SLC30A3: variants seen among roughly 807,000 people sequenced by gnomAD.
SLC30A3 encodes the protein probable proton-coupled zinc antiporter SLC30A3.
A neutral mutation model predicts 35.6 loss-of-function variants in SLC30A3; 20 were observed. That is an observed-to-expected ratio of 0.56 (90% CI 0.39 to 0.82). The LOEUF (loss-of-function observed/expected upper bound fraction) is 0.82. Ranked by LOEUF, SLC30A3 falls within the 40% of genes least tolerant of loss-of-function variation. SLC30A3 has a pLI of 0.00. For synonymous variants in SLC30A3, 217 were observed against 224.7 expected (o/e 0.97, Z 0.31); for missense variants, 401 against 530.6 (o/e 0.76, Z 2.40).
At chr2:27,256,678 A>T in intron 6 of SLC30A3, 110 bp downstream of exon 6, 8 of 1,288,408 alleles carry the variant, frequency 6.2e-6, no homozygotes, top group Non-Finnish European at 8.7e-6. Context: ...AGCAGACCCC[A>T]TGAGCCAAGC....
chr2:27,259,048 T>C, intron 1 of SLC30A3, 114 bp from the exon 2 acceptor site: 1 of 830,918 alleles, frequency 1.2e-6, no homozygotes, highest in Non-Finnish European at 1.9e-6. Context: ...CCAGGCCTGG[T>C]CGTATCTGGG....
In SLC30A3 at chr2:27,271,582, A is replaced by G. The variant is rs1021250385; in HGVS notation, c.-159+3595T>C. On this transcript the variant is annotated intron_variant, in intron 1 of 5. Coordinates refer to the SLC30A3 transcript ENST00000424577. This position sits in a 1 kb window ranked among gnomAD's most constrained non-coding sequence, Gnocchi z 4.3. ...TCAGAGATGAAATGATTTGTCTAAG[A>G]TCACACAGCCTGTGAGGGCCAGAGC... Among the ~76,000 whole-genome samples, 6 of 152,260 alleles carry G rather than the reference A, an allele frequency of 3.9e-5. No individual in the cohort carries two copies. Among genetic ancestry groups the G allele is most frequent in the Admixed American group, 3.9e-4 (6 of 15,288 alleles).
Position 27,270,021 on chromosome 2 carries a change from A to G in SLC30A3, c.-159+5156T>C, listed in dbSNP as rs190087063. ...AAATGAGAAGATAGTTGGTGGGTTA[A>G]ACAGAAAGAAGTGATTTAAGGGCCA... is the stretch of plus-strand genomic sequence containing the variant. On this transcript the variant is annotated intron_variant, in intron 1 of 5. Coordinates refer to the SLC30A3 transcript ENST00000424577. Among the ~76,000 whole-genome samples the G allele has an allele frequency of 3.3e-5, 5 of 152,318 alleles. No homozygotes were observed. In the East Asian group the frequency reaches 9.6e-4, roughly 29 times the overall value.
chr2:27,263,849 A>C (rs1048216968), upstream of SLC30A3, among the ~76,000 whole-genome samples: 1 of 146,608 alleles, frequency 6.8e-6, no homozygotes, highest in Non-Finnish European at 1.5e-5. Flanking sequence ...CGAGCCGCCT[A>C]TCTGGTGTCA....
In SLC30A3 at chr2:27,258,845, G is replaced by C; in HGVS notation, c.185C>G (p.Pro62Arg). Reference protein sequence around the residue: ...FHHCHRDPLPPPGLTPERLHA... With the variant: ...FHHCHRDPLPRPGLTPERLHA... Reference sequence around the variant, plus strand: ...CAGCCTCTCAGGGGTAAGGCCCGGCGGCGGAAGGGGGTCCCTGTGGCAGTG... The same window carrying C: ...CAGCCTCTCAGGGGTAAGGCCCGGCCGCGGAAGGGGGTCCCTGTGGCAGTG... Residue 62 changes from proline (P) to arginine (R), a missense_variant, in exon 2 of 8, where the codon CCG becomes CGG. Pro to Arg is a moderately radical substitution (Grantham distance 103, BLOSUM62 -2). This residue lies in a region of SLC30A3 where 103 missense variants were observed against 120.7 expected (regional missense o/e 0.85). Transcript: ENST00000233535. This position sits in a 1 kb window ranked among gnomAD's most constrained non-coding sequence, Gnocchi z 4.0. 4 of 1,614,182 alleles carry C rather than the reference G, an allele frequency of 2.5e-6. No individual in the cohort carries two copies. The highest frequency in any genetic ancestry group is 3.4e-6 in the Non-Finnish European group (4 of 1,180,008).
chr2:27,256,250 ATG>A, intron 7 of SLC30A3, 134 bp downstream of exon 7: 1 of 975,020 alleles, frequency 1.0e-6, no homozygotes, highest in Non-Finnish European at 1.6e-6. Flanking sequence ...GTATGTGTCT[ATG>A]TGAGAGAGAG....
At chr2:27,260,302 T>G (rs1165994733) in intron 1 of SLC30A3, among the ~76,000 whole-genome samples, 1 of 152,178 alleles carries the variant, frequency 6.6e-6, no homozygotes, top group Non-Finnish European at 1.5e-5. Context: ...CAGCCTGCTA[T>G]GGCTGAGGAT....
In SLC30A3 at chr2:27,256,952, G is replaced by A. The variant is rs548938554; in HGVS notation, c.778-59C>T. The A allele has an allele frequency of 8.4e-5, 110 of 1,316,160 alleles. 3 individuals are homozygous for A. The South Asian group carries it at 1.2e-3, about 15-fold the overall frequency. 81.5% of individuals were successfully genotyped at this position (1,316,160 alleles called of 1,614,324 possible). ...AGGGACCTTTCAGAGGAAGATCTAG[G>A]GGTATCTTGAACAAACATGACCTGA... is the stretch of plus-strand genomic sequence containing the variant. On this transcript the variant is annotated intron_variant, in intron 5 of 7. Coordinates refer to ENST00000233535, the MANE Select transcript of SLC30A3 (RefSeq NM_003459.5).
In SLC30A3 at chr2:27,262,694, G is replaced by C; in HGVS notation, c.95+118C>G. The C allele has an allele frequency of 1.0e-6, 1 of 994,738 alleles. No homozygotes were observed. Among genetic ancestry groups the C allele is most frequent in the Non-Finnish European group, 1.4e-6 (1 of 713,578 alleles). 61.6% of individuals were successfully genotyped at this position (994,738 alleles called of 1,614,324 possible). On this transcript the variant is annotated intron_variant, in intron 1 of 7. Coordinates refer to ENST00000233535, the MANE Select transcript of SLC30A3 (RefSeq NM_003459.5). The surrounding 1 kb of genome is among the most constrained non-coding windows in gnomAD (Gnocchi z 7.5). ...GGGATGAAGCGGGGTGCAGCGGAGCGAGGGACCCGCGGTGCGCTGGGGCGG... is the reference window on the plus strand; with the variant it reads ...GGGATGAAGCGGGGTGCAGCGGAGCCAGGGACCCGCGGTGCGCTGGGGCGG...
At chr2:27,270,945 G>T (rs566546377) in intron 1 of SLC30A3, among the ~76,000 whole-genome samples, 1 of 152,252 alleles carries the variant, frequency 6.6e-6, no homozygotes, top group South Asian at 2.1e-4. Flanking sequence ...GCTTTGGTCT[G>T]TCTGTAGATT....
Position 27,258,712 on chromosome 2 carries a change from G to GT in SLC30A3, c.277+40dup, listed in dbSNP as rs1364616120. On this transcript the variant is annotated intron_variant, in intron 2 of 7. Coordinates refer to ENST00000233535, the MANE Select transcript of SLC30A3 (RefSeq NM_003459.5). The surrounding 1 kb of genome is among the most constrained non-coding windows in gnomAD (Gnocchi z 4.0). ...TCTGGGTGGAGAGTGGCTTGGGCAG[G>GT]TATTTGGAGAATGGGGTTTAAGGGC... The GT allele has an allele frequency of 1.2e-6, 2 of 1,604,908 alleles. No homozygotes were observed. The highest frequency in any genetic ancestry group is 2.7e-5 in the African/African-American group (2 of 74,694).
chr2:27,258,270 A>G lies in SLC30A3; in HGVS notation c.315T>C (p.Asp105=), dbSNP rs756871740. The G allele has an allele frequency of 1.9e-6, 3 of 1,541,904 alleles. No homozygotes were observed. In the South Asian group the frequency reaches 3.8e-5, roughly 19 times the overall value. ...YLAHSLAIMT[D]AAHLLADVGS... Reference sequence around the variant, plus strand: ...CCACATCCGCCAGCAAGTGGGCTGCATCGGTCATGATGGCCAGGCTGTGTG... The same window carrying G: ...CCACATCCGCCAGCAAGTGGGCTGCGTCGGTCATGATGGCCAGGCTGTGTG... Residue 105 remains aspartate, a synonymous_variant, in exon 3 of 8, where the codon GAT becomes GAC. Transcript: ENST00000233535. This position sits in a 1 kb window ranked among gnomAD's most constrained non-coding sequence, Gnocchi z 4.0.
chr2:27,271,552 T>C lies in SLC30A3; in HGVS notation c.-159+3625A>G, dbSNP rs146735859. Among the ~76,000 whole-genome samples, 1 of 152,328 alleles carries C rather than the reference T, an allele frequency of 6.6e-6. No homozygotes were observed. Among genetic ancestry groups the C allele is most frequent in the Non-Finnish European group, 1.5e-5 (1 of 68,040 alleles). ...ACAGGTTTTTATAGAAGAGGAAAAA[T>C]AGACTCAGAGATGAAATGATTTGTC... On this transcript the variant is annotated intron_variant, in intron 1 of 5. Transcript: ENST00000424577. The surrounding 1 kb of genome is among the most constrained non-coding windows in gnomAD (Gnocchi z 4.3).
In SLC30A3 at chr2:27,257,867, T is replaced by C; in HGVS notation, c.578+38A>G. On this transcript the variant is annotated intron_variant, in intron 4 of 7. Coordinates refer to ENST00000233535, the MANE Select transcript of SLC30A3 (RefSeq NM_003459.5). This position sits in a 1 kb window ranked among gnomAD's most constrained non-coding sequence, Gnocchi z 4.7. ...CATCCTGGAGGAAGACCCCTCGCCC[T>C]GGGCCCCACAAGGTGCCTGCTCCAT... 1 of 1,589,012 alleles carries C rather than the reference T, an allele frequency of 6.3e-7. No homozygotes were observed. The highest frequency in any genetic ancestry group is 8.6e-7 in the Non-Finnish European group (1 of 1,165,498).
chr2:27,262,808 C>T lies in SLC30A3; in HGVS notation c.95+4G>A, dbSNP rs1677284054. ...GGCCGAGGGCCAGCCCAGGTCTGTC[C>T]TACCTCTTCAAACGCAGGCTGCCTC... On this transcript the variant is annotated splice_donor_region_variant and intron_variant, in intron 1 of 7. Coordinates refer to ENST00000233535, the MANE Select transcript of SLC30A3 (RefSeq NM_003459.5). The surrounding 1 kb of genome is among the most constrained non-coding windows in gnomAD (Gnocchi z 7.5). 6.4e-7 allele frequency: 1 copy of T among 1,567,692 alleles called. No individual in the cohort carries two copies. Among genetic ancestry groups the T allele is most frequent in the Non-Finnish European group, 8.6e-7 (1 of 1,161,606 alleles).
At position 27,258,533 on chromosome 2, in the gene SLC30A3, A is replaced by T; in HGVS notation, c.277+220T>A. The T allele has an allele frequency of 1.5e-6, 1 of 657,024 alleles. No homozygotes were observed. The highest frequency in any genetic ancestry group is 2.5e-6 in the Non-Finnish European group (1 of 404,802). The allele number at this position is 657,024 out of a possible 1,614,324, so 40.7% of individuals were successfully genotyped here. On this transcript the variant is annotated intron_variant, in intron 2 of 7. Transcript: ENST00000233535. This position sits in a 1 kb window ranked among gnomAD's most constrained non-coding sequence, Gnocchi z 4.0. ...AATAACAAGAAAATAGGGTTTTTAA[A>T]AGAAGTCAGCCCTGACCTACTGGCC... is the stretch of plus-strand genomic sequence containing the variant.
At chr2:27,256,347 T>C (rs1676850395) in intron 7 of SLC30A3, 39 bp downstream of exon 7, 17 of 1,607,798 alleles carry the variant, frequency 1.1e-5, no homozygotes, top group African/African-American at 1.3e-5. Context: ...GGGTGGGGTA[T>C]GTTCCAGGTA....
chr2:27,254,806 A>C lies in SLC30A3; in HGVS notation c.*506T>G. ...CACACACACACACACACACAGACAA[A>C]ACCACAGGGCTAAGACACACGGACA... On this transcript the variant is annotated 3_prime_UTR_variant, in exon 8 of 8. Transcript: ENST00000233535. 3.6e-6 allele frequency: 1 copy of C among 281,102 alleles called. No homozygotes were observed. The highest frequency in any genetic ancestry group is 6.9e-6 in the Non-Finnish European group (1 of 144,806). 17.4% of individuals were successfully genotyped at this position (281,102 alleles called of 1,614,324 possible).
chr2:27,269,004 G>A (rs950462613), intron 1 of SLC30A3, among the ~76,000 whole-genome samples: 1 of 151,990 alleles, frequency 6.6e-6, no homozygotes, highest in Non-Finnish European at 1.5e-5. Context: ...GGCTGTGGGA[G>A]CTGAGAAGAA....
Sources: gnomAD v4.1 joint callset for allele counts (sites outside exome capture counted in the v4.1 genomes callset) on GRCh38, gnomAD v4.1.1 for gene constraint, gnomAD v4.1.1 regional missense constraint, Gnocchi (gnomAD v3.1) non-coding constraint, MANE v1.5 for transcripts, NCBI Gene and HGNC (gene_info 2026-07-23, HGNC 2026-07-21) for gene names.